Variants in HHLA1 observed in about 807,000 individuals in gnomAD.
HHLA1 encodes HHLA1 neighbor of OC90.
Under a neutral mutation model 69.9 loss-of-function variants are expected in HHLA1, and 72 were observed. That is an observed-to-expected ratio of 1.03 (90% CI 0.85 to 1.25). The LOEUF (loss-of-function observed/expected upper bound fraction) is 1.25, where lower values mean the gene tolerates loss of function less well. Ranked by LOEUF, HHLA1 falls within the 50% of genes most tolerant of loss-of-function variation. The pLI is 0.00. For missense variants in HHLA1, 685 were observed against 642.2 expected, an observed-to-expected ratio of 1.07 and a Z score of -0.72; for synonymous variants, 252 against 233.2, an observed-to-expected ratio of 1.08 and a Z score of -0.73.
At chr8:132,095,268 C>T (rs945320446) in intron 7 of HHLA1, among the ~76,000 whole-genome samples, 1 of 152,196 alleles carries the variant, frequency 6.6e-6, no homozygotes, top group Non-Finnish European at 1.5e-5. Flanking sequence ...GACTACTTAA[C>T]CATTTTCCCT....
In HHLA1 at chr8:132,061,936, C is replaced by T. The variant is rs1436060294; in HGVS notation, c.*2059G>A. 6.6e-6 allele frequency: 1 copy of T among 152,184 alleles called. No homozygotes were observed. The highest frequency in any genetic ancestry group is 2.4e-5 in the African/African-American group (1 of 41,442). 9.4% of individuals were successfully genotyped at this position (152,184 alleles called of 1,614,324 possible). A position where few individuals can be genotyped will look rare whatever the true frequency, so the allele number is the denominator to read the frequency against. ...GCTTCTTAAAGATTATAGTCATGCTCAGTCATTATTCCCAAAGTATGGGGT... is the reference window on the plus strand; with the variant it reads ...GCTTCTTAAAGATTATAGTCATGCTTAGTCATTATTCCCAAAGTATGGGGT... On this transcript the variant is annotated 3_prime_UTR_variant, in exon 17 of 17. Transcript: ENST00000414222.
At chr8:132,100,036 AC>A (rs1160799176) in intron 4 of HHLA1, 38 bp downstream of exon 4, 1 of 1,519,532 alleles carries the variant, frequency 6.6e-7, no homozygotes, top group Admixed American at 2.0e-5. Context: ...TTGCTCTGCA[AC>A]CCAGACAACC....
chr8:132,104,023 A>G (rs1336196472), intron 3 of HHLA1, 85 bp downstream of exon 3: 1 of 865,762 alleles, frequency 1.2e-6, no homozygotes. Context: ...TCGCTGTCTT[A>G]TCAGTAGAGA....
Position 132,105,224 on chromosome 8 carries a change from G to C in HHLA1, c.42C>G (p.Cys14Trp). 1 of 1,552,192 alleles carries C rather than the reference G, an allele frequency of 6.4e-7. No individual in the cohort carries two copies. Among genetic ancestry groups the C allele is most frequent in the Non-Finnish European group, 8.7e-7 (1 of 1,147,072 alleles). ...FLSRGPSMKL[C>W]MGLACVLSLW... ...GGGACAAGACACATGCCAGGCCCAT[G>C]CACAGCTTCATTGAAGGACCACGTG... Residue 14 changes from cysteine to tryptophan, a missense_variant, in exon 2 of 17, where the codon TGC (cysteine) becomes TGG (tryptophan). Transcript: ENST00000414222.
rs145155340 is a variant in HHLA1 at position 132,098,954 on chromosome 8, C to T, written c.208G>A (p.Ala70Thr). 288 of 1,548,974 alleles carry T rather than the reference C, an allele frequency of 1.9e-4. 2 individuals carry two copies. The South Asian group carries it at 2.6e-3, about 14-fold the overall frequency. ...VAFLATTELP[A>T]RSIDLSALNL... ...AGCGCGGACAGATCGATTGACCTTG[C>T]GGGCAGCTCTGAAAGAGATTCAGAG... The change falls in exon 5 of 17, where the codon GCA becomes ACA. Residue 70 changes from alanine to threonine, a missense_variant. Physicochemically the swap from Ala to Thr is moderately conservative, Grantham distance 58 (BLOSUM62 0). Coordinates refer to ENST00000414222, the MANE Select transcript of HHLA1 (RefSeq NM_001145095.3).
At chr8:132,095,457 T>A in intron 7 of HHLA1, 62 bp downstream of exon 7, 1 of 1,118,478 alleles carries the variant, frequency 8.9e-7, no homozygotes, top group East Asian at 2.6e-5. Flanking sequence ...AAACAAAAAC[T>A]TATCTAAAAG....
chr8:132,087,414 G>A (rs977175647), intron 10 of HHLA1, among the ~76,000 whole-genome samples: 2 of 152,170 alleles, frequency 1.3e-5, no homozygotes, highest in Non-Finnish European at 2.9e-5. Context: ...GTGGGGGAAT[G>A]AGAGTGGCAG....
At chr8:132,100,975 A>G (rs1824102501) in intron 3 of HHLA1, among the ~76,000 whole-genome samples, 1 of 152,208 alleles carries the variant, frequency 6.6e-6, no homozygotes, top group Non-Finnish European at 1.5e-5. Flanking sequence ...ATTATTTTAC[A>G]TTTTATTTTA....
At chr8:132,104,307 G>T (rs1320946733) in intron 2 of HHLA1, 140 bp from the exon 3 acceptor site, 2 of 626,632 alleles carry the variant, frequency 3.2e-6, no homozygotes, top group Non-Finnish European at 5.6e-6. Context: ...CATCTAGTTT[G>T]TTCATTCATT....
chr8:132,071,494 C>G lies in HHLA1; in HGVS notation c.1316-1G>C. 6.4e-7 allele frequency: 1 copy of G among 1,550,982 alleles called. No individual in the cohort carries two copies. The highest frequency in any genetic ancestry group is 8.7e-7 in the Non-Finnish European group (1 of 1,146,606). ...ACCTTGAAGAGTGGCTGAGGACACCCTAGAAGATGCAATCCCAGACCAATT... is the reference window on the plus strand; with the variant it reads ...ACCTTGAAGAGTGGCTGAGGACACCGTAGAAGATGCAATCCCAGACCAATT... On this transcript the variant is annotated splice_acceptor_variant, in intron 14 of 16. Transcript: ENST00000414222. LOFTEE classifies it high-confidence loss of function.
At chr8:132,103,148 A>G (rs1309097380) in intron 3 of HHLA1, among the ~76,000 whole-genome samples, 2 of 152,222 alleles carry the variant, frequency 1.3e-5, no homozygotes, top group African/African-American at 2.4e-5. Context: ...AAGAAAATTG[A>G]AAGCTCAACT....
rs114335802 is a variant in HHLA1, at chr8:132,092,051, G to T, written c.449-2452C>A. 7.0e-3 allele frequency among the ~76,000 whole-genome samples: 1,063 copies of T among 152,274 alleles called. 19 individuals carry two copies. Among genetic ancestry groups the T allele is most frequent in the African/African-American group, 0.024 (1,006 of 41,550 alleles). ...GGTACATTCTTTCAATGAATACTAAGAATTCATGTGAAGGATGAGGCATAC... is the reference window on the plus strand; with the variant it reads ...GGTACATTCTTTCAATGAATACTAATAATTCATGTGAAGGATGAGGCATAC... On this transcript the variant is annotated intron_variant, in intron 7 of 16. Coordinates refer to ENST00000414222, the MANE Select transcript of HHLA1 (RefSeq NM_001145095.3).
intron 14 of HHLA1, 54 bp downstream of exon 14, chr8:132,076,001 G>T: frequency 2.4e-6 from 3 of 1,274,026 alleles, no homozygotes; most frequent in South Asian, 2.6e-5. Context: ...TCTACTACAT[G>T]ACCTTGTTCA....
At position 132,087,762 on chromosome 8, in the gene HHLA1, G is replaced by A; in HGVS notation, c.590-23C>T. 4 of 1,545,056 alleles carry A rather than the reference G, an allele frequency of 2.6e-6. No homozygotes were observed. The East Asian group carries it at 7.3e-5, about 28-fold the overall frequency. On this transcript the variant is annotated intron_variant, in intron 9 of 16. Coordinates refer to ENST00000414222, the MANE Select transcript of HHLA1 (RefSeq NM_001145095.3). The stretch of plus-strand genomic sequence containing the variant: ...TTCCTGCAAAAATCACACCAACAGG[G>A]TCAGATCTTGGGTTTCATCTGCTGG...
chr8:132,075,432 A>G (rs982359199), intron 14 of HHLA1, among the ~76,000 whole-genome samples: 1 of 152,190 alleles, frequency 6.6e-6, no homozygotes, highest in Non-Finnish European at 1.5e-5. Flanking sequence ...AAAATGCAGC[A>G]AAAACCACAG....
At chr8:132,068,843 G>T (rs1175845451) in intron 15 of HHLA1, among the ~76,000 whole-genome samples, 2 of 152,142 alleles carry the variant, frequency 1.3e-5, no homozygotes, top group Non-Finnish European at 2.9e-5. Flanking sequence ...AATGGTTCTG[G>T]GGCCCCAAAT....
In HHLA1 at chr8:132,089,497, G is replaced by A. The variant is rs373389844; in HGVS notation, c.532+19C>T. 137 of 1,389,884 alleles carry A rather than the reference G, an allele frequency of 9.9e-5. No homozygotes were observed. The highest frequency in any genetic ancestry group is 1.7e-4 in the African/African-American group (12 of 69,880). The allele number at this position is 1,389,884 out of a possible 1,614,324, so 86.1% of individuals were successfully genotyped here. On this transcript the variant is annotated intron_variant, in intron 8 of 16. Coordinates refer to ENST00000414222, the MANE Select transcript of HHLA1 (RefSeq NM_001145095.3). ...TGCTAAACCTCAAAGTTGCCAAAGC[G>A]TTTTCAAGATGAACACACCTGAGAG...
rs1005635428 is a variant in HHLA1 at position 132,061,704 on chromosome 8, A to T, written c.*2291T>A. The T allele has an allele frequency of 6.6e-6, 1 of 152,130 alleles. No homozygotes were observed. Among genetic ancestry groups the T allele is most frequent in the Non-Finnish European group, 1.5e-5 (1 of 68,028 alleles). The allele number at this position is 152,130 out of a possible 1,614,324, so 9.4% of individuals were successfully genotyped here. On this transcript the variant is annotated 3_prime_UTR_variant, in exon 17 of 17. Transcript: ENST00000414222. ...TAAATCAGGACACATTCAGCTCAGA[A>T]GGGGTCAAACCTCTTATGAACTCCA...
In HHLA1 at chr8:132,076,126, T is replaced by A; in HGVS notation, c.1244A>T (p.Asp415Val). Reference sequence around the variant, plus strand: ...AGTGAATGGCCACTCTGCAGAGAGATCACCTGCAAAGGGCAGGAATGGCCT... The same window carrying A: ...AGTGAATGGCCACTCTGCAGAGAGAACACCTGCAAAGGGCAGGAATGGCCT... ...ATAPRYPQTG[D>V]LSAEWPFTAG... Residue 415 changes from aspartate to valine, a missense_variant, in exon 14 of 17, where the codon GAT (aspartate) becomes GTT (valine). Coordinates refer to ENST00000414222, the MANE Select transcript of HHLA1 (RefSeq NM_001145095.3). 1 of 1,550,332 alleles carries A rather than the reference T, an allele frequency of 6.5e-7. No individual in the cohort carries two copies. The highest frequency in any genetic ancestry group is 8.7e-7 in the Non-Finnish European group (1 of 1,146,220).
Sources: allele counts gnomAD v4.1 joint callset (sites outside exome capture counted in the v4.1 genomes callset), GRCh38; gene constraint gnomAD v4.1.1; transcripts MANE v1.5; gene names NCBI Gene and HGNC (gene_info 2026-07-23, HGNC 2026-07-21).